Variants in PTPRS observed in about 807,000 individuals in gnomAD.
PTPRS encodes protein tyrosine phosphatase receptor type S.
Under a neutral mutation model 215.3 loss-of-function variants are expected in PTPRS, and 63 were observed. The ratio of observed to expected loss-of-function variants is 0.29; its 90% CI spans 0.24 to 0.36. The LOEUF (loss-of-function observed/expected upper bound fraction) is 0.36, where lower values mean the gene tolerates loss of function less well. Among genes scored for constraint, PTPRS ranks in the 10% least tolerant of loss-of-function variants. The pLI, the probability that PTPRS is intolerant of heterozygous loss-of-function variation, is 1.00. For missense variants in PTPRS, 2,258 were observed against 2,825.8 expected (o/e 0.80, Z 4.56); for synonymous variants, 1,404 against 1,191.4 (o/e 1.18, Z -3.68).
intron 2 of PTPRS, among the ~76,000 whole-genome samples, chr19:5,284,420 A>AAAT (rs1568564787): frequency 4.0e-5 from 4 of 100,468 alleles, no homozygotes; most frequent in East Asian, 2.1e-4. Flanking sequence ...AATAAATAAA[A>AAAT]ATTAGCCAGG....
At chr19:5,281,992 C>A (rs1325706425) in intron 2 of PTPRS, among the ~76,000 whole-genome samples, 1 of 152,186 alleles carries the variant, frequency 6.6e-6, no homozygotes, top group South Asian at 2.1e-4. Context: ...TGGATTACTG[C>A]AGGCCCGGTC....
chr19:5,219,870 C>A, intron 22 of PTPRS, 69 bp downstream of exon 22: 1 of 1,532,228 alleles, frequency 6.5e-7, no homozygotes, highest in Non-Finnish European at 8.9e-7. Context: ...GAGGTCAGGG[C>A]CCTGGGGAAT....
In PTPRS at chr19:5,257,117, C is replaced by T. The variant is rs1331411417; in HGVS notation, c.706+900G>A. Among the ~76,000 whole-genome samples, 1 of 149,960 alleles carries T rather than the reference C, an allele frequency of 6.7e-6. No homozygotes were observed. The highest frequency in any genetic ancestry group is 1.5e-5 in the Non-Finnish European group (1 of 67,522). On this transcript the variant is annotated intron_variant, in intron 8 of 37. Transcript: ENST00000262963. The surrounding 1 kb of genome is among the most constrained non-coding windows in gnomAD (Gnocchi z 4.4). ...AGGAGGAGGAGGAAGACTACAACTT[C>T]TGAAAAGACCCAAGAGCCAACACAC...
At chr19:5,207,380 C>T (rs751403667) in intron 37 of PTPRS, among the ~76,000 whole-genome samples, 3 of 152,190 alleles carry the variant, frequency 2.0e-5, no homozygotes, top group Non-Finnish European at 4.4e-5. Context: ...CCACCACACC[C>T]AGCCTCATTT....
chr19:5,297,352 A>T (rs1252386634), intron 1 of PTPRS, among the ~76,000 whole-genome samples: 6 of 152,216 alleles, frequency 3.9e-5, no homozygotes, highest in Non-Finnish European at 8.8e-5. Flanking sequence ...CCCACAATCC[A>T]TCCCTCGCCT....
chr19:5,223,944 T>C (rs2042244790), intron 17 of PTPRS, among the ~76,000 whole-genome samples: 1 of 151,822 alleles, frequency 6.6e-6, no homozygotes, highest in South Asian at 2.1e-4. Context: ...TTTGGGAGGC[T>C]GAGATGGGCA....
chr19:5,223,416 G>C, intron 17 of PTPRS, 119 bp from the exon 18 acceptor site: 3 of 1,235,124 alleles, frequency 2.4e-6, no homozygotes, highest in Non-Finnish European at 3.2e-6. Context: ...AGTTGGGGGG[G>C]GTCTTACTCT....
At chr19:5,309,939 C>T (rs1204521447) in intron 1 of PTPRS, among the ~76,000 whole-genome samples, 9 of 152,192 alleles carry the variant, frequency 5.9e-5, no homozygotes, top group Admixed American at 1.3e-4. Flanking sequence ...GGGCTGGTTC[C>T]TCCTTTGCCC....
intron 4 of PTPRS, among the ~76,000 whole-genome samples, chr19:5,270,425 G>C (rs888388706): frequency 1.3e-5 from 2 of 151,688 alleles, no homozygotes; most frequent in African/African-American, 4.8e-5. Context: ...TAAGTACTTG[G>C]GACTATAGGC....
intron 4 of PTPRS, 45 bp downstream of exon 4, chr19:5,273,397 C>T (rs541063447): frequency 7.4e-6 from 12 of 1,613,242 alleles, no homozygotes; most frequent in Non-Finnish European, 1.0e-5. Flanking sequence ...GTCCCCAAAG[C>T]CCAGGGCCCA....
chr19:5,266,617 G>C (rs915365758), intron 4 of PTPRS, among the ~76,000 whole-genome samples: 1 of 151,960 alleles, frequency 6.6e-6, no homozygotes, highest in Non-Finnish European at 1.5e-5. Flanking sequence ...CACCTGCCGT[G>C]GCCTCCCAAA....
In PTPRS at chr19:5,229,605, C is replaced by T. The variant is rs1168033234; in HGVS notation, c.2235G>A (p.Ala745=). 8 of 1,419,948 alleles carry T rather than the reference C, an allele frequency of 5.6e-6. No homozygotes were observed. The highest frequency in any genetic ancestry group is 5.5e-6 in the Non-Finnish European group (6 of 1,087,628). 88.0% of individuals were successfully genotyped at this position (1,419,948 alleles called of 1,614,324 possible). Residue 745 remains alanine, a synonymous_variant, in exon 15 of 38, where the codon GCG becomes GCA. Transcript: ENST00000262963. ...TAIRVLWRSP[A]PGRQHGQIRG... ...GGATCTGGCCGTGCTGCCGGCCGGG[C>T]GCGGGCGAGCGCCACAGCACGCGGA...
chr19:5,335,839 G>C lies in PTPRS; in HGVS notation c.-95+4825C>G, dbSNP rs186879850. On this transcript the variant is annotated intron_variant, in intron 1 of 37. Transcript: ENST00000262963. ...AAACAGGAAGCCGCACAGAAACCTGGGTTTATTTTCAGATGTGGAATATCC... is the reference window on the plus strand; with the variant it reads ...AAACAGGAAGCCGCACAGAAACCTGCGTTTATTTTCAGATGTGGAATATCC... Among the ~76,000 whole-genome samples the C allele has an allele frequency of 5.1e-4, 78 of 152,104 alleles. 1 individual carries two copies. The highest frequency in any genetic ancestry group is 1.9e-4 in the East Asian group (1 of 5,138).
chr19:5,240,897 T>C (rs2043983151), intron 11 of PTPRS, among the ~76,000 whole-genome samples: 1 of 146,948 alleles, frequency 6.8e-6, no homozygotes, highest in Non-Finnish European at 1.5e-5. Flanking sequence ...TCATTTTTTT[T>C]TTTTTTTTTT....
At position 5,240,203 on chromosome 19, in the gene PTPRS, C is replaced by T. The variant is rs770776322; in HGVS notation, c.1700G>A (p.Arg567Gln). The T allele has an allele frequency of 1.4e-5, 22 of 1,542,478 alleles. No individual in the cohort carries two copies. The highest frequency in any genetic ancestry group is 9.6e-5 in the African/African-American group (7 of 72,944). The change falls in exon 12 of 38, where the codon CGG (arginine) becomes CAG (glutamine). Residue 567 changes from arginine (R) to glutamine (Q), a missense_variant. Transcript: ENST00000262963. ...CCCGTCCCCGCGCTGCCTCACCTCC[C>T]GGCCATGGTCGCCTTCCCGGAAGAG... is the stretch of plus-strand genomic sequence containing the variant. ...ELLFREGDHG[R>Q]EVGRTFDPTT...
intron 19 of PTPRS, 44 bp downstream of exon 19, chr19:5,222,079 C>G (rs1306942970): frequency 6.5e-7 from 1 of 1,529,272 alleles, no homozygotes; most frequent in Admixed American, 1.7e-5. Context: ...AACTACAACC[C>G]CTGACCCTGC....
At chr19:5,335,101 G>T (rs567584538) in intron 1 of PTPRS, among the ~76,000 whole-genome samples, 1 of 152,116 alleles carries the variant, frequency 6.6e-6, no homozygotes, top group Admixed American at 6.5e-5. Flanking sequence ...GTGACAGCGC[G>T]ACGATGGGCC....
chr19:5,228,637 C>T (rs2042732303), intron 16 of PTPRS, among the ~76,000 whole-genome samples: 1 of 152,178 alleles, frequency 6.6e-6, no homozygotes, highest in South Asian at 2.1e-4. Context: ...AGCCACCACG[C>T]CCAGCCAAGG....
At position 5,322,488 on chromosome 19, in the gene PTPRS, C is replaced by G. The variant is rs547505100; in HGVS notation, c.-95+18176G>C. On this transcript the variant is annotated intron_variant, in intron 1 of 37. Transcript: ENST00000262963. ...GAAGAAGCAGCCGCGGGGACCGACT[C>G]GAGCCCGCCCCGACTGGCCGACTCC... Among the ~76,000 whole-genome samples the G allele has an allele frequency of 2.1e-4, 32 of 152,130 alleles. 1 individual carries two copies. The South Asian group carries it at 6.4e-3, about 31-fold the overall frequency.
Sources: gnomAD v4.1 joint callset for allele counts (sites outside exome capture counted in the v4.1 genomes callset) on GRCh38, gnomAD v4.1.1 for gene constraint, Gnocchi (gnomAD v3.1) non-coding constraint, MANE v1.5 for transcripts, NCBI Gene and HGNC (gene_info 2026-07-23, HGNC 2026-07-21) for gene names.